The following ARHGAP24 variants were observed in gnomAD, a reference collection of about 807,000 sequenced individuals.
The protein encoded by ARHGAP24 is Rho GTPase activating protein 24, also known as rho GTPase-activating protein 24.
ARHGAP24 carries 50 observed loss-of-function variants against 76.4 expected under a neutral mutation model. The ratio of observed to expected loss-of-function variants is 0.65; its 90% CI spans 0.52 to 0.83. ARHGAP24 has a LOEUF of 0.83. ARHGAP24 is among the 40% of genes least tolerant of loss of function. ARHGAP24 has a pLI of 0.00. For missense variants in ARHGAP24, 930 were observed against 914.2 expected, an observed-to-expected ratio of 1.02 and a Z score of -0.22; for synonymous variants, 345 against 323.3, an observed-to-expected ratio of 1.07 and a Z score of -0.72.
intron 3 of ARHGAP24, among the ~76,000 whole-genome samples, chr4:85,770,497 C>A (rs1258759195): frequency 6.6e-6 from 1 of 152,088 alleles, no homozygotes; most frequent in Non-Finnish European, 1.5e-5. Context: ...GTTATTTTGT[C>A]AATAACTGCC....
chr4:85,552,772 T>A (rs970539193), intron 1 of ARHGAP24, among the ~76,000 whole-genome samples: 1 of 152,196 alleles, frequency 6.6e-6, no homozygotes, highest in Non-Finnish European at 1.5e-5. Context: ...ATTATGTCAG[T>A]CCCTTCTTTG....
chr4:85,626,479 C>T (rs1248500207), intron 2 of ARHGAP24, among the ~76,000 whole-genome samples: 1 of 67,832 alleles, frequency 1.5e-5, no homozygotes, highest in African/African-American at 6.8e-5. Flanking sequence ...GATAACCCGA[C>T]CTTTCTCTCT....
intron 1 of ARHGAP24, among the ~76,000 whole-genome samples, chr4:85,521,185 A>C (rs1008927641): frequency 6.6e-6 from 1 of 152,188 alleles, no homozygotes; most frequent in African/African-American, 2.4e-5. Context: ...GCCCCAATAC[A>C]CTGACTCTTG....
At chr4:85,667,304 G>C (rs139845609) in intron 2 of ARHGAP24, among the ~76,000 whole-genome samples, 4 of 152,188 alleles carry the variant, frequency 2.6e-5, no homozygotes, top group Admixed American at 6.5e-5. Flanking sequence ...CTCTGAGCCA[G>C]GTGCTGGATA....
At chr4:85,675,063 C>T (rs1286770957) in intron 2 of ARHGAP24, among the ~76,000 whole-genome samples, 1 of 152,036 alleles carries the variant, frequency 6.6e-6, no homozygotes, top group Non-Finnish European at 1.5e-5. Context: ...ATCTGGTTTA[C>T]AATATAGGAG....
At chr4:85,625,959 T>C in intron 2 of ARHGAP24, among the ~76,000 whole-genome samples, 1 of 152,236 alleles carries the variant, frequency 6.6e-6, no homozygotes, top group Non-Finnish European at 1.5e-5. Flanking sequence ...TGAGCCTATG[T>C]GTGTCTCTGC....
intron 1 of ARHGAP24, among the ~76,000 whole-genome samples, chr4:85,567,075 G>C (rs1422719255): frequency 2.6e-5 from 4 of 152,136 alleles, no homozygotes; most frequent in Admixed American, 2.6e-4. Context: ...AGGTAAAGAG[G>C]TGCCAGATGA....
intron 1 of ARHGAP24, among the ~76,000 whole-genome samples, chr4:85,550,605 T>C (rs182339811): frequency 1.5e-3 from 223 of 152,366 alleles, no homozygotes; most frequent in Non-Finnish European, 2.2e-3. Flanking sequence ...GGTAGTTTGA[T>C]AGGAATAGCA....
rs151210509 is a variant in ARHGAP24, at chr4:85,666,215, G to C, written c.181-55670G>C. ...TATTTCTTGGAGGCTTTGTTCGTTT[G>C]TTTTTATTCTTTTTTCTCTAAACTT... On this transcript the variant is annotated intron_variant, in intron 2 of 9. Transcript: ENST00000395184. Among the ~76,000 whole-genome samples the C allele has an allele frequency of 1.1e-4, 17 of 152,168 alleles. No homozygotes were observed. In the South Asian group the frequency reaches 3.1e-3, roughly 28 times the overall value.
intron 3 of ARHGAP24, among the ~76,000 whole-genome samples, chr4:85,745,896 A>T (rs898801461): frequency 6.6e-6 from 1 of 151,938 alleles, no homozygotes. Flanking sequence ...CTGCAGCATG[A>T]TGCTAGGTAC....
intron 3 of ARHGAP24, among the ~76,000 whole-genome samples, chr4:85,854,145 A>G (rs942026953): frequency 3.5e-5 from 5 of 142,414 alleles, no homozygotes; most frequent in Admixed American, 2.7e-4. Flanking sequence ...CAAAAAAAAA[A>G]AAAAAAAAAA....
intron 2 of ARHGAP24, among the ~76,000 whole-genome samples, chr4:85,644,628 A>C (rs1721654759): frequency 6.6e-6 from 1 of 152,172 alleles, no homozygotes; most frequent in African/African-American, 2.4e-5. Context: ...ATAATTGTTA[A>C]GATTACAAGG....
chr4:85,693,909 C>T (rs1389975929), intron 2 of ARHGAP24, among the ~76,000 whole-genome samples: 1 of 152,160 alleles, frequency 6.6e-6, no homozygotes, highest in African/African-American at 2.4e-5. Flanking sequence ...GGCAGATTTG[C>T]CTCCCAACTC....
intron 3 of ARHGAP24, among the ~76,000 whole-genome samples, chr4:85,916,179 G>A (rs1297825860): frequency 6.6e-6 from 1 of 152,136 alleles, no homozygotes; most frequent in Non-Finnish European, 1.5e-5. Flanking sequence ...GTGATGATGA[G>A]CTTTTTTTCA....
intron 3 of ARHGAP24, among the ~76,000 whole-genome samples, chr4:85,834,670 T>C (rs1334279662): frequency 6.6e-6 from 1 of 152,046 alleles, no homozygotes; most frequent in Non-Finnish European, 1.5e-5. Flanking sequence ...AGTCAAAGGG[T>C]GAACAGAGAG....
chr4:85,784,937 AT>A (rs1727749985), intron 3 of ARHGAP24, among the ~76,000 whole-genome samples: 1 of 150,838 alleles, frequency 6.6e-6, no homozygotes, highest in Non-Finnish European at 1.5e-5. Context: ...CTATCTATCT[AT>A]CTATCTATCT....
chr4:85,515,487 C>CGT (rs765937354), intron 1 of ARHGAP24, among the ~76,000 whole-genome samples: 1 of 144,996 alleles, frequency 6.9e-6, no homozygotes, highest in African/African-American at 2.5e-5. Context: ...TAAACTAGGA[C>CGT]ATATATATAT....
intron 9 of ARHGAP24, among the ~76,000 whole-genome samples, chr4:85,996,881 G>A (rs1425526775): frequency 6.6e-6 from 1 of 152,048 alleles, no homozygotes; most frequent in East Asian, 1.9e-4. Flanking sequence ...TGAGGCAAGG[G>A]GTCACACTTT....
chr4:85,544,867 T>C (rs1243985595), intron 1 of ARHGAP24, among the ~76,000 whole-genome samples: 1 of 152,044 alleles, frequency 6.6e-6, no homozygotes, highest in Non-Finnish European at 1.5e-5. Context: ...TAACAGTTGT[T>C]CAGCTTTTCT....
Sources: gnomAD v4.1 joint callset for allele counts (sites outside exome capture counted in the v4.1 genomes callset) on GRCh38, gnomAD v4.1.1 for gene constraint, MANE v1.5 for transcripts, NCBI Gene and HGNC (gene_info 2026-07-23, HGNC 2026-07-21) for gene names.